Variants in PLOD2 observed in about 807,000 individuals in gnomAD.
PLOD2 encodes procollagen-lysine,2-oxoglutarate 5-dioxygenase 2.
A neutral mutation model predicts 101.0 loss-of-function variants in PLOD2; 65 were observed. The observed-to-expected ratio is 0.64, with a 90% CI of 0.53 to 0.79. The LOEUF is 0.79. PLOD2 is among the 30% of genes least tolerant of loss of function. The pLI is 0.00. For missense variants in PLOD2, 909 were observed against 914.6 expected (o/e 0.99, Z 0.08); for synonymous variants, 314 against 302.9 (o/e 1.04, Z -0.38).
chr3:146,117,564 C>T (rs1275350804), intron 3 of PLOD2, among the ~76,000 whole-genome samples: 1 of 152,046 alleles, frequency 6.6e-6, no homozygotes, highest in East Asian at 1.9e-4. Flanking sequence ...TTTCTCATGA[C>T]CCCTAGGTTT....
intron 7 of PLOD2, among the ~76,000 whole-genome samples, chr3:146,095,310 A>G (rs1172042327): frequency 6.7e-6 from 1 of 149,108 alleles, no homozygotes; most frequent in East Asian, 2.1e-4. Flanking sequence ...AAATTTTGCT[A>G]TCTATCCATC....
At chr3:146,123,069 AAAG>A (rs1282579955) in intron 2 of PLOD2, among the ~76,000 whole-genome samples, 1 of 152,042 alleles carries the variant, frequency 6.6e-6, no homozygotes, top group Admixed American at 6.6e-5. Context: ...CTTTTTCAGC[AAAG>A]TTTAGCTGTT....
intron 1 of PLOD2, among the ~76,000 whole-genome samples, chr3:146,154,321 A>G (rs912057928): frequency 3.3e-5 from 5 of 152,112 alleles, no homozygotes; most frequent in Admixed American, 2.0e-4. Context: ...TTATAAATAC[A>G]GTAGTTCTTC....
chr3:146,089,705 TATTC>T (rs1936912166), intron 8 of PLOD2, among the ~76,000 whole-genome samples: 1 of 151,648 alleles, frequency 6.6e-6, no homozygotes, highest in Admixed American at 6.6e-5. Context: ...TTTCTTCATC[TATTC>T]ATTCACTTGC....
chr3:146,143,701 G>A (rs544674733), intron 1 of PLOD2, among the ~76,000 whole-genome samples: 1 of 152,192 alleles, frequency 6.6e-6, no homozygotes, highest in African/African-American at 2.4e-5. Context: ...CCTTTAGAGA[G>A]GCTAAAGGGG....
intron 1 of PLOD2, among the ~76,000 whole-genome samples, chr3:146,148,126 A>G (rs2108135869): frequency 6.6e-6 from 1 of 152,234 alleles, no homozygotes; most frequent in East Asian, 1.9e-4. Context: ...TTAGGAAGAT[A>G]AATTTATGGA....
chr3:146,078,215 TAA>T (rs1936411856), intron 13 of PLOD2, among the ~76,000 whole-genome samples: 1 of 151,730 alleles, frequency 6.6e-6, no homozygotes, highest in South Asian at 2.1e-4. Context: ...AAAAAATGAG[TAA>T]GAGAGGCCAT....
chr3:146,139,466 A>C (rs962139206), intron 1 of PLOD2, among the ~76,000 whole-genome samples: 1 of 152,132 alleles, frequency 6.6e-6, no homozygotes, highest in African/African-American at 2.4e-5. Flanking sequence ...AAGGAACACA[A>C]ATCTCCACAA....
At chr3:146,086,522 T>TA (rs534277387) in intron 10 of PLOD2, 14 of 212,586 alleles carry the variant, frequency 6.6e-5, no homozygotes, top group East Asian at 3.3e-4. Flanking sequence ...TATCTGCATT[T>TA]AAAAAAAATT....
In PLOD2 at chr3:146,071,265, G is replaced by A; in HGVS notation, c.1995+12C>T. On this transcript the variant is annotated intron_variant, in intron 18 of 19. Transcript: ENST00000282903. ...GGTAAGAAATAGGCTGGAGGGGTGA[G>A]AGGATAACTACCTTCGTATAATAGC... 1.2e-6 allele frequency: 2 copies of A among 1,611,806 alleles called. No individual in the cohort carries two copies. Among genetic ancestry groups the A allele is most frequent in the Non-Finnish European group, 1.7e-6 (2 of 1,178,480 alleles).
chr3:146,153,647 TA>T (rs2032167551), intron 1 of PLOD2, among the ~76,000 whole-genome samples: 1 of 152,156 alleles, frequency 6.6e-6, no homozygotes, highest in African/African-American at 2.4e-5. Context: ...AAAATCCACA[TA>T]TCTATTTCGC....
chr3:146,097,196 G>C (rs1441810291), intron 7 of PLOD2, among the ~76,000 whole-genome samples: 1 of 150,622 alleles, frequency 6.6e-6, no homozygotes, highest in South Asian at 2.1e-4. Flanking sequence ...CCCCCCGCCC[G>C]GCCAGCCGCC....
Position 146,076,840 on chromosome 3 carries a change from G to A in PLOD2, c.1619C>T (p.Ala540Val). The A allele has an allele frequency of 1.3e-6, 2 of 1,592,988 alleles. No individual in the cohort carries two copies. The highest frequency in any genetic ancestry group is 1.3e-5 in the African/African-American group (1 of 74,464). Residue 540 changes from alanine to valine, a missense_variant, in exon 15 of 20, where the codon GCT becomes GTT. Transcript: ENST00000282903. ...GTTATAATGGGAAGTATTGTAATTA[G>A]CAGTGGATAATAGCCTTCCAAATTC... ...RHEFGRLLST[A>V]NYNTSHYNND...
Position 146,088,726 on chromosome 3 carries a change from A to G in PLOD2, c.880-15T>C. 1 of 1,585,160 alleles carries G rather than the reference A, an allele frequency of 6.3e-7. No homozygotes were observed. Among genetic ancestry groups the G allele is most frequent in the Non-Finnish European group, 8.7e-7 (1 of 1,155,218 alleles). On this transcript the variant is annotated splice_polypyrimidine_tract_variant and intron_variant, in intron 8 of 19. Transcript: ENST00000282903. Reference sequence around the variant, plus strand: ...TTTGGATGGACCTTTGTTTTACACCAAACATAAAAATAAAATTATCATTAG... The same window carrying G: ...TTTGGATGGACCTTTGTTTTACACCGAACATAAAAATAAAATTATCATTAG...
Position 146,121,104 on chromosome 3 carries a change from T to C in PLOD2, c.338+8A>G, listed in dbSNP as rs1313965076. On this transcript the variant is annotated splice_region_variant and intron_variant, in intron 3 of 19. Coordinates refer to ENST00000282903, the MANE Select transcript of PLOD2 (RefSeq NM_182943.3). ...TAGATTTTAAAATCCACAGGGTGTT[T>C]CTCCTACCATTCAGTAAACATGACA... 6.3e-7 allele frequency: 1 copy of C among 1,577,108 alleles called. No homozygotes were observed. Among genetic ancestry groups the C allele is most frequent in the Admixed American group, 1.7e-5 (1 of 59,926 alleles).
At chr3:146,122,145 T>C (rs1425932513) in intron 2 of PLOD2, among the ~76,000 whole-genome samples, 1 of 152,200 alleles carries the variant, frequency 6.6e-6, no homozygotes, top group Non-Finnish European at 1.5e-5. Context: ...GAGCCGGAGA[T>C]AAATCTTGCT....
At chr3:146,110,166 CTAA>C in intron 4 of PLOD2, 116 bp downstream of exon 4, 1 of 840,082 alleles carries the variant, frequency 1.2e-6, no homozygotes, top group Non-Finnish European at 2.0e-6. Flanking sequence ...TGTCAATATA[CTAA>C]TAATAAAATA....
intron 7 of PLOD2, among the ~76,000 whole-genome samples, chr3:146,098,012 G>A (rs1413341980): frequency 1.3e-5 from 2 of 152,004 alleles, no homozygotes; most frequent in Admixed American, 6.6e-5. Context: ...GAGAACTCGT[G>A]GACACAGGGA....
intron 3 of PLOD2, among the ~76,000 whole-genome samples, chr3:146,114,744 G>T (rs1163273591): frequency 2.6e-5 from 4 of 152,062 alleles, no homozygotes; most frequent in Non-Finnish European, 5.9e-5. Context: ...CAAATTAAGG[G>T]AATAAACTAA....
Sources: allele counts gnomAD v4.1 joint callset (sites outside exome capture counted in the v4.1 genomes callset), GRCh38; gene constraint gnomAD v4.1.1; transcripts MANE v1.5; gene names NCBI Gene and HGNC (gene_info 2026-07-23, HGNC 2026-07-21).